Variants in MEF2C observed in about 807,000 individuals in gnomAD.
The protein encoded by MEF2C is myocyte enhancer factor 2C.
A neutral mutation model predicts 50.5 loss-of-function variants in MEF2C; 6 were observed. That is an observed-to-expected ratio of 0.12 (90% CI 0.07 to 0.23). The LOEUF (loss-of-function observed/expected upper bound fraction) is 0.23. MEF2C is among the 10% of genes least tolerant of loss of function. The probability of loss-of-function intolerance (pLI) is 1.00; values close to 1 mark genes in which losing one functional copy is unlikely to be tolerated. For missense variants in MEF2C, 276 were observed against 605.0 expected, an observed-to-expected ratio of 0.46 and a Z score of 5.70; for synonymous variants, 183 against 228.0, an observed-to-expected ratio of 0.80 and a Z score of 1.78.
At chr5:88,879,598 G>A (rs943085959) in intron 1 of MEF2C, among the ~76,000 whole-genome samples, 15 of 151,758 alleles carry the variant, frequency 9.9e-5, no homozygotes, top group South Asian at 2.1e-4. Flanking sequence ...TCTTTATAAC[G>A]CCTCTGAAAA....
At chr5:88,884,591 C>G (rs1833841173), upstream of MEF2C, 1 of 151,856 alleles carries the variant, frequency 6.6e-6, no homozygotes, top group Admixed American at 6.6e-5. Flanking sequence ...CCCCTCCCCC[C>G]ACTCTATCTT....
At chr5:88,799,868 T>TACA (rs1562104661) in intron 3 of MEF2C, among the ~76,000 whole-genome samples, 11 of 95,132 alleles carry the variant, frequency 1.2e-4, no homozygotes, top group African/African-American at 3.6e-4. Flanking sequence ...TCTCTCTCTC[T>TACA]CTCACACACA....
At chr5:88,845,868 C>T (rs759085880) in intron 1 of MEF2C, among the ~76,000 whole-genome samples, 1 of 151,886 alleles carries the variant, frequency 6.6e-6, no homozygotes, top group African/African-American at 2.4e-5. Flanking sequence ...GTAGCTGAGA[C>T]TACAGGTGCA....
intron 2 of MEF2C, among the ~76,000 whole-genome samples, chr5:88,807,681 T>C (rs1449070824): frequency 1.3e-5 from 2 of 152,220 alleles, no homozygotes; most frequent in African/African-American, 4.8e-5. Context: ...CAATAAATAT[T>C]AGTTCCCCCA....
intron 1 of MEF2C, among the ~76,000 whole-genome samples, chr5:88,841,985 T>A (rs755684388): frequency 1.4e-4 from 21 of 152,232 alleles, no homozygotes; most frequent in Non-Finnish European, 2.8e-4. Flanking sequence ...TTAGAACTTT[T>A]ATTTTTATAC....
At chr5:88,862,897 C>G (rs914911478) in intron 1 of MEF2C, among the ~76,000 whole-genome samples, 1 of 152,222 alleles carries the variant, frequency 6.6e-6, no homozygotes, top group Non-Finnish European at 1.5e-5. Context: ...ACCATCTTCA[C>G]GGCTTCATTA....
intron 7 of MEF2C, among the ~76,000 whole-genome samples, chr5:88,731,017 C>T (rs1033633990): frequency 6.6e-6 from 1 of 152,070 alleles, no homozygotes; most frequent in African/African-American, 2.4e-5. Flanking sequence ...CATGCAGACC[C>T]AGAAGAAAGA....
intron 1 of MEF2C, among the ~76,000 whole-genome samples, chr5:88,856,661 T>G (rs557802051): frequency 1.3e-5 from 2 of 152,322 alleles, no homozygotes; most frequent in South Asian, 4.1e-4. Flanking sequence ...TAAAACAGCC[T>G]GAGGGAACAG....
chr5:88,838,593 A>G, intron 1 of MEF2C: 1 of 985,286 alleles, frequency 1.0e-6, no homozygotes, highest in Non-Finnish European at 1.2e-6. Context: ...AGAATTACAC[A>G]GATATCTCAT....
At chr5:88,879,804 A>G (rs1429276620) in intron 1 of MEF2C, among the ~76,000 whole-genome samples, 1 of 152,192 alleles carries the variant, frequency 6.6e-6, no homozygotes, top group East Asian at 1.9e-4. Flanking sequence ...GATCATAATG[A>G]TGAAGCAACA....
chr5:88,860,773 C>T (rs1825226586), intron 1 of MEF2C, among the ~76,000 whole-genome samples: 2 of 152,134 alleles, frequency 1.3e-5, no homozygotes, highest in Non-Finnish European at 2.9e-5. Flanking sequence ...GTACATTTTT[C>T]CCCCTCTGGG....
At chr5:88,732,621 A>G (rs2152292930) in intron 6 of MEF2C, 1 of 152,316 alleles carries the variant, frequency 6.6e-6, no homozygotes, top group East Asian at 1.9e-4. Flanking sequence ...TGGAAGACTG[A>G]AAGGGTTTTC....
intron 1 of MEF2C, among the ~76,000 whole-genome samples, chr5:88,841,530 A>G (rs1160937274): frequency 1.3e-5 from 2 of 151,874 alleles, no homozygotes; most frequent in African/African-American, 2.4e-5. Flanking sequence ...AAAAGAAGAA[A>G]AAAAGAAGCA....
At chr5:88,848,654 A>C (rs1331031656) in intron 1 of MEF2C, among the ~76,000 whole-genome samples, 1 of 152,146 alleles carries the variant, frequency 6.6e-6, no homozygotes, top group Non-Finnish European at 1.5e-5. Flanking sequence ...GATGAAAATT[A>C]AGTTTGGATT....
At chr5:88,868,554 C>G (rs1014004628) in intron 1 of MEF2C, among the ~76,000 whole-genome samples, 1 of 152,120 alleles carries the variant, frequency 6.6e-6, no homozygotes. Context: ...ACACCCCCCA[C>G]CCAATACTGG....
intron 2 of MEF2C, among the ~76,000 whole-genome samples, chr5:88,806,115 A>G (rs1800343697): frequency 6.6e-6 from 1 of 151,928 alleles, no homozygotes; most frequent in South Asian, 2.1e-4. Context: ...ATTTATTTTG[A>G]GGAGCACTTA....
At chr5:88,815,925 G>C (rs1282368258) in intron 2 of MEF2C, among the ~76,000 whole-genome samples, 1 of 152,018 alleles carries the variant, frequency 6.6e-6, no homozygotes, top group Non-Finnish European at 1.5e-5. Flanking sequence ...AAAGCTAAAG[G>C]TGACTTGTAG....
At chr5:88,867,278 G>A (rs1171844755) in intron 1 of MEF2C, among the ~76,000 whole-genome samples, 1 of 152,072 alleles carries the variant, frequency 6.6e-6, no homozygotes, top group African/African-American at 2.4e-5. Flanking sequence ...GCAAAATTAA[G>A]ACTCAATAAT....
intron 1 of MEF2C, among the ~76,000 whole-genome samples, chr5:88,840,882 G>C (rs1376976494): frequency 6.6e-6 from 1 of 152,162 alleles, no homozygotes; most frequent in Non-Finnish European, 1.5e-5. Flanking sequence ...AAAAGCCTTA[G>C]AAAGTTGAAA....
Sources: allele counts gnomAD v4.1 joint callset (sites outside exome capture counted in the v4.1 genomes callset), GRCh38; gene constraint gnomAD v4.1.1; transcripts MANE v1.5; gene names NCBI Gene and HGNC (gene_info 2026-07-23, HGNC 2026-07-21).